The following VWA7 variants were observed in gnomAD, a reference collection of about 807,000 sequenced individuals.
VWA7 encodes the protein von Willebrand factor A domain containing 7.
A neutral mutation model predicts 83.1 loss-of-function variants in VWA7; 66 were observed. The ratio of observed to expected loss-of-function variants is 0.79; its 90% CI spans 0.65 to 0.98. VWA7 has a LOEUF of 0.98. Ranked by LOEUF, VWA7 falls within the 50% of genes least tolerant of loss-of-function variation. The pLI is 0.00. For missense variants in VWA7, 1,080 were observed against 1,160.2 expected (o/e 0.93, Z 1.00); for synonymous variants, 424 against 488.5 (o/e 0.87, Z 1.74).
rs1812708140 is a variant in VWA7 at position 31,776,585 on chromosome 6, T to C, written c.195A>G (p.Pro65=). The part of the protein sequence containing the change: ...NVTLQLFLEQ[P]PPGRPPLRLE... Reference sequence around the variant, plus strand: ...GACGAAGAGGGGGGCGGCCTGGGGGTGGCTGCTCCAGGAAGAGCTGCAGGG... The same window carrying C: ...GACGAAGAGGGGGGCGGCCTGGGGGCGGCTGCTCCAGGAAGAGCTGCAGGG... Residue 65 remains proline (P), a synonymous_variant, in exon 2 of 17, where the codon CCA becomes CCG. Transcript: ENST00000375688. The surrounding 1 kb of genome is among the most constrained non-coding windows in gnomAD (Gnocchi z 6.2). The C allele has an allele frequency of 6.5e-7, 1 of 1,547,384 alleles. No homozygotes were observed. The highest frequency in any genetic ancestry group is 1.2e-5 in the South Asian group (1 of 83,714).
intron 7 of VWA7, chr6:31,771,777 G>A (rs1812196520): frequency 6.6e-6 from 1 of 152,018 alleles, no homozygotes. Context: ...CGGATCACGA[G>A]GTCAGGAGAT....
Position 31,769,122 on chromosome 6 carries a change from G to C in VWA7, c.1399C>G (p.Pro467Ala), listed in dbSNP as rs866666762. Residue 467 changes from proline to alanine, a missense_variant, in exon 10 of 17, where the codon CCA (proline) becomes GCA (alanine). Transcript: ENST00000375688. The surrounding 1 kb of genome is among the most constrained non-coding windows in gnomAD (Gnocchi z 4.5). ...REILSPLRFE[P>A]YKAVALASGG... ...GAGGCCAGGGCCACTGCTTTGTATG[G>C]CTCAAAACGCAGAGGGGACAAGATC... The C allele has an allele frequency of 6.2e-7, 1 of 1,612,982 alleles. No individual in the cohort carries two copies. The highest frequency in any genetic ancestry group is 8.5e-7 in the Non-Finnish European group (1 of 1,180,046).
Position 31,776,111 on chromosome 6 carries a change from A to G in VWA7, c.366T>C (p.Asn122=). Reference sequence around the variant, plus strand: ...CAGCATCAAAGTGCAGGTCGGGGTCATTCCTGGAAGTTGGCAGGAAGTCCT... The same window carrying G: ...CAGCATCAAAGTGCAGGTCGGGGTCGTTCCTGGAAGTTGGCAGGAAGTCCT... ...AAQDFLPTSR[N]DPDLHFDAER... is the part of the protein sequence containing the mutation. The change falls in exon 3 of 17, where the codon AAT becomes AAC. Residue 122 remains asparagine (N), a synonymous_variant. Coordinates refer to ENST00000375688, the MANE Select transcript of VWA7 (RefSeq NM_025258.3). The surrounding 1 kb of genome is among the most constrained non-coding windows in gnomAD (Gnocchi z 6.2). 1 of 1,614,048 alleles carries G rather than the reference A, an allele frequency of 6.2e-7. No individual in the cohort carries two copies. The highest frequency in any genetic ancestry group is 8.5e-7 in the Non-Finnish European group (1 of 1,180,030).
rs1019499294 is a variant in VWA7, at chr6:31,769,566, G to C, written c.1317+109C>G. 1.3e-5 allele frequency: 13 copies of C among 1,003,540 alleles called. No individual in the cohort carries two copies. In the African/African-American group the frequency reaches 1.6e-4, roughly 12 times the overall value. 62.2% of individuals were successfully genotyped at this position (1,003,540 alleles called of 1,614,324 possible). On this transcript the variant is annotated intron_variant, in intron 9 of 16. Coordinates refer to ENST00000375688, the MANE Select transcript of VWA7 (RefSeq NM_025258.3). This position sits in a 1 kb window ranked among gnomAD's most constrained non-coding sequence, Gnocchi z 4.5. ...TCTGCTTCTCCCACCATATACCAAG[G>C]CTTGTTGGGCCACCATAGTGTGGTG...
rs757602951 is a variant in VWA7, at chr6:31,770,108, C to T, written c.1093G>A (p.Gly365Ser). 7 of 1,612,564 alleles carry T rather than the reference C, an allele frequency of 4.3e-6. 1 individual carries two copies. Among genetic ancestry groups the T allele is most frequent in the South Asian group, 2.2e-5 (2 of 91,068 alleles). The change falls in exon 8 of 17, where the codon GGC becomes AGC. Residue 365 changes from glycine to serine, a missense_variant. Transcript: ENST00000375688. ...GGGTCACTGGTTGTAAAGACAGGGC[C>T]GAACCCTGGGAAGGGGAAAGGAGGT... ...VLVPFHDPGF[G>S]PVFTTSDPDS...
rs1158115925 is a variant in VWA7 at position 31,776,522 on chromosome 6, G to GT, written c.234+23dup. On this transcript the variant is annotated intron_variant, in intron 2 of 16. Coordinates refer to ENST00000375688, the MANE Select transcript of VWA7 (RefSeq NM_025258.3). This position sits in a 1 kb window ranked among gnomAD's most constrained non-coding sequence, Gnocchi z 6.2. ...TGGAATTGGGGACTCTGGCAGGGGT[G>GT]TGACAGGACCCTGGGATGCTCACCA... The GT allele has an allele frequency of 1.5e-5, 23 of 1,525,124 alleles. No individual in the cohort carries two copies. The highest frequency in any genetic ancestry group is 2.0e-5 in the Non-Finnish European group (23 of 1,130,452). The allele number at this position is 1,525,124 out of a possible 1,614,324, so 94.5% of individuals were successfully genotyped here.
At chr6:31,771,990 C>CAAAA (rs34193146) in intron 7 of VWA7, among the ~76,000 whole-genome samples, 17 of 41,934 alleles carry the variant, frequency 4.1e-4, no homozygotes, top group South Asian at 9.4e-4. Context: ...GACTCCGTCT[C>CAAAA]AAAAAAAAAA....
In VWA7 at chr6:31,775,432, G is replaced by A; in HGVS notation, c.514-3C>T. The stretch of plus-strand genomic sequence containing the variant: ...CAGTTGCTATGACTGTAGAAATCCT[G>A]GTCCGGAGGACAGGAGAAGGGGAGT... On this transcript the variant is annotated splice_polypyrimidine_tract_variant and splice_region_variant and intron_variant, in intron 3 of 16. Coordinates refer to ENST00000375688, the MANE Select transcript of VWA7 (RefSeq NM_025258.3). The surrounding 1 kb of genome is among the most constrained non-coding windows in gnomAD (Gnocchi z 5.9). 1 of 1,610,954 alleles carries A rather than the reference G, an allele frequency of 6.2e-7. No individual in the cohort carries two copies. Among genetic ancestry groups the A allele is most frequent in the Non-Finnish European group, 8.5e-7 (1 of 1,178,984 alleles).
rs1281840096 is a variant in VWA7, at chr6:31,773,203, C to T, written c.917+39G>A. ...TGGTTTCTCCCTTCCCGCAGGAGCG[C>T]CTCCCCATGAAGGGGTCCATCCCCA... On this transcript the variant is annotated intron_variant, in intron 6 of 16. Coordinates refer to ENST00000375688, the MANE Select transcript of VWA7 (RefSeq NM_025258.3). The surrounding 1 kb of genome is among the most constrained non-coding windows in gnomAD (Gnocchi z 5.3). 2 of 1,590,928 alleles carry T rather than the reference C, an allele frequency of 1.3e-6. No homozygotes were observed. The highest frequency in any genetic ancestry group is 2.3e-5 in the South Asian group (2 of 88,012).
In VWA7 at chr6:31,776,738, T is replaced by G; in HGVS notation, c.42A>C (p.Ser14=). ...TEVPQSHPGP[S]ALLLLQLLLP... is the part of the protein sequence containing the mutation. ...GCAACAGCTGCAGCAGAAGCAACGC[T>G]GAGGGGCCCGGGTGGGATTGGGGGA... The change falls in exon 2 of 17, where the codon TCA becomes TCC. Residue 14 remains serine (S), a synonymous_variant. Transcript: ENST00000375688. This position sits in a 1 kb window ranked among gnomAD's most constrained non-coding sequence, Gnocchi z 6.2. The G allele has an allele frequency of 6.8e-7, 1 of 1,464,132 alleles. No homozygotes were observed. Among genetic ancestry groups the G allele is most frequent in the Non-Finnish European group, 9.1e-7 (1 of 1,101,238 alleles). The allele number at this position is 1,464,132 out of a possible 1,614,324, so 90.7% of individuals were successfully genotyped here.
chr6:31,777,000 A>C lies in VWA7; in HGVS notation c.-16+109T>G, dbSNP rs1812750463. 2.4e-6 allele frequency: 1 copy of C among 424,466 alleles called. No individual in the cohort carries two copies. Among genetic ancestry groups the C allele is most frequent in the African/African-American group, 2.0e-5 (1 of 48,938 alleles). 26.3% of individuals were successfully genotyped at this position (424,466 alleles called of 1,614,324 possible). ...ACACACCTGCCAGGAGAGGGGTCCA[A>C]GGTTCCTCCCCCACGCCCCCCTCCC... is the stretch of plus-strand genomic sequence containing the variant. On this transcript the variant is annotated intron_variant, in intron 1 of 16. Coordinates refer to ENST00000375688, the MANE Select transcript of VWA7 (RefSeq NM_025258.3). The surrounding 1 kb of genome is among the most constrained non-coding windows in gnomAD (Gnocchi z 6.2).
Position 31,773,253 on chromosome 6 carries a change from C to A in VWA7, c.906G>T (p.Arg302Ser). 6.2e-7 allele frequency: 1 copy of A among 1,603,640 alleles called. No homozygotes were observed. The highest frequency in any genetic ancestry group is 8.5e-7 in the Non-Finnish European group (1 of 1,175,484). ...AGGAGGCCACTCACCTGGAGAAATC[C>A]CTGTCTCCCAGGCGGCTTCGCAGAA... ...FSLLRSRLGD[R>S]DFSRLLDITP... The change falls in exon 6 of 17, where the codon AGG (arginine) becomes AGT (serine). Residue 302 changes from arginine to serine, a missense_variant. Coordinates refer to ENST00000375688, the MANE Select transcript of VWA7 (RefSeq NM_025258.3). This position sits in a 1 kb window ranked among gnomAD's most constrained non-coding sequence, Gnocchi z 5.3.
intron 10 of VWA7, 31 bp from the exon 11 acceptor site, chr6:31,767,785 G>A: frequency 6.3e-7 from 1 of 1,590,826 alleles, no homozygotes; most frequent in South Asian, 1.1e-5. Context: ...AGAAAATGGG[G>A]AAGAAGATGA....
chr6:31,776,436 G>T lies in VWA7; in HGVS notation c.234+110C>A. The T allele has an allele frequency of 3.3e-6, 4 of 1,229,510 alleles. No homozygotes were observed. In the South Asian group the frequency reaches 6.1e-5, roughly 19 times the overall value. 76.2% of individuals were successfully genotyped at this position (1,229,510 alleles called of 1,614,324 possible). A position where few individuals can be genotyped will look rare whatever the true frequency, so the allele number is the denominator to read the frequency against. Reference sequence around the variant, plus strand: ...AGACTACTGGGTATTATTGCTGCAGGGGTGGGGCCATGGGTGTCTCTTCTC... The same window carrying T: ...AGACTACTGGGTATTATTGCTGCAGTGGTGGGGCCATGGGTGTCTCTTCTC... On this transcript the variant is annotated intron_variant, in intron 2 of 16. Coordinates refer to ENST00000375688, the MANE Select transcript of VWA7 (RefSeq NM_025258.3). The surrounding 1 kb of genome is among the most constrained non-coding windows in gnomAD (Gnocchi z 6.2).
Position 31,769,908 on chromosome 6 carries a change from A to G in VWA7, c.1200+93T>C. ...GGGAACCCTACAGTGAAGCTAGTGG[A>G]TCTAGGTGCTGAAGGTGGTGGGGAG... On this transcript the variant is annotated intron_variant, in intron 8 of 16. Transcript: ENST00000375688. The surrounding 1 kb of genome is among the most constrained non-coding windows in gnomAD (Gnocchi z 4.5). 6.7e-7 allele frequency: 1 copy of G among 1,484,328 alleles called. No homozygotes were observed. The highest frequency in any genetic ancestry group is 1.1e-5 in the South Asian group (1 of 87,328). The allele number at this position is 1,484,328 out of a possible 1,614,324, so 91.9% of individuals were successfully genotyped here. A position where few individuals can be genotyped will look rare whatever the true frequency, so the allele number is the denominator to read the frequency against.
chr6:31,772,142 CTT>C (rs761228094), intron 7 of VWA7, among the ~76,000 whole-genome samples: 36 of 140,680 alleles, frequency 2.6e-4, no homozygotes, highest in Admixed American at 2.9e-4. Flanking sequence ...TGCTAGTTAT[CTT>C]TTTTTTTTTT....
At position 31,767,565 on chromosome 6, in the gene VWA7, C is replaced by T. The variant is rs750910459; in HGVS notation, c.1637-51G>A. 1.0e-5 allele frequency: 16 copies of T among 1,599,402 alleles called. No homozygotes were observed. The Admixed American group carries it at 2.7e-4, about 27-fold the overall frequency. On this transcript the variant is annotated intron_variant, in intron 11 of 16. Coordinates refer to ENST00000375688, the MANE Select transcript of VWA7 (RefSeq NM_025258.3). Reference sequence around the variant, plus strand: ...ATGAAGCACTTGCTCTCCTTGAGTACATCCCCTCGATTGTCTATTCCCCGG... The same window carrying T: ...ATGAAGCACTTGCTCTCCTTGAGTATATCCCCTCGATTGTCTATTCCCCGG...
At position 31,767,516 on chromosome 6, in the gene VWA7, T is replaced by TG; in HGVS notation, c.1637-3dup. 1 of 1,607,598 alleles carries TG rather than the reference T, an allele frequency of 6.2e-7. No individual in the cohort carries two copies. Among genetic ancestry groups the TG allele is most frequent in the Non-Finnish European group, 8.5e-7 (1 of 1,174,962 alleles). ...CTTCCTCCTGGCCCTGGGAGACCCC[T>TG]GGGGTCAGGGAAGAGATTGTCACAT... is the stretch of plus-strand genomic sequence containing the variant. On this transcript the variant is annotated splice_polypyrimidine_tract_variant and splice_region_variant and intron_variant, in intron 11 of 16. Transcript: ENST00000375688.
At position 31,773,488 on chromosome 6, in the gene VWA7, C is replaced by T. The variant is rs1158575282; in HGVS notation, c.722-51G>A. 1.4e-6 allele frequency: 2 copies of T among 1,480,212 alleles called. No homozygotes were observed. Among genetic ancestry groups the T allele is most frequent in the East Asian group, 2.5e-5 (1 of 40,710 alleles). 91.7% of individuals were successfully genotyped at this position (1,480,212 alleles called of 1,614,324 possible). A position where few individuals can be genotyped will look rare whatever the true frequency, so the allele number is the denominator to read the frequency against. On this transcript the variant is annotated intron_variant, in intron 5 of 16. Transcript: ENST00000375688. This position sits in a 1 kb window ranked among gnomAD's most constrained non-coding sequence, Gnocchi z 5.3. ...AGTGGAGGTCAAAAACCCACTGCCT[C>T]CTAAGAAAATGAGGCCCTTTCAGGC...
Sources: allele counts gnomAD v4.1 joint callset (sites outside exome capture counted in the v4.1 genomes callset), GRCh38; gene constraint gnomAD v4.1.1; non-coding constraint Gnocchi (gnomAD v3.1); transcripts MANE v1.5; gene names NCBI Gene and HGNC (gene_info 2026-07-23, HGNC 2026-07-21).